The following LGI2 variants were observed in gnomAD, a reference collection of about 807,000 sequenced individuals.
LGI2 encodes leucine rich repeat LGI family member 2, also known as leucine-rich repeat LGI family member 2.
A neutral mutation model predicts 52.0 loss-of-function variants in LGI2; 30 were observed. That is an observed-to-expected ratio of 0.58 (90% CI 0.43 to 0.78). The LOEUF is 0.78. Ranked by LOEUF, LGI2 falls within the 30% of genes least tolerant of loss-of-function variation. LGI2 has a pLI of 0.00. For missense variants in LGI2, 573 were observed against 692.5 expected, an observed-to-expected ratio of 0.83 and a Z score of 1.94; for synonymous variants, 270 against 271.8, an observed-to-expected ratio of 0.99 and a Z score of 0.06.
chr4:25,009,127 C>T (rs1725490076), intron 7 of LGI2, among the ~76,000 whole-genome samples: 1 of 152,206 alleles, frequency 6.6e-6, no homozygotes. Context: ...CTGCACAAAA[C>T]CCTCCATGGC....
chr4:25,007,578 A>AGTGTGTGTGTGTGT (rs3066687), intron 7 of LGI2, among the ~76,000 whole-genome samples: 9 of 142,260 alleles, frequency 6.3e-5, no homozygotes, highest in Admixed American at 2.8e-4. Flanking sequence ...CAGACAGATC[A>AGTGTGTGTGTGTGT]GTGTGTGTGT....
chr4:25,018,014 G>A lies in LGI2; in HGVS notation c.630C>T (p.Ser210=), dbSNP rs983919888. ...YQEKKLNDVT[S]FDYECTTTDF... is the part of the protein sequence containing the mutation. ...CTGTAGTTGTGCATTCATAGTCAAA[G>A]CTGGTCACGTCATTTAGCTTCTTTT... The change falls in exon 6 of 8, where the codon AGC becomes AGT. Residue 210 remains serine, a synonymous_variant. Transcript: ENST00000382114. 2 of 1,612,280 alleles carry A rather than the reference G, an allele frequency of 1.2e-6. No individual in the cohort carries two copies. Among genetic ancestry groups the A allele is most frequent in the Non-Finnish European group, 1.7e-6 (2 of 1,179,574 alleles).
At chr4:25,017,511 C>T (rs1243895596) in intron 6 of LGI2, among the ~76,000 whole-genome samples, 1 of 140,608 alleles carries the variant, frequency 7.1e-6, no homozygotes, top group African/African-American at 2.8e-5. Context: ...CACTACACTC[C>T]AGCCTGGGCG....
At chr4:25,008,257 AT>A (rs1477977328) in intron 7 of LGI2, among the ~76,000 whole-genome samples, 1 of 152,104 alleles carries the variant, frequency 6.6e-6, no homozygotes, top group Admixed American at 6.6e-5. Flanking sequence ...CCCCCATTAA[AT>A]CCTTATAGTA....
intron 4 of LGI2, among the ~76,000 whole-genome samples, chr4:25,019,955 C>T (rs1725902151): frequency 6.6e-6 from 1 of 152,188 alleles, no homozygotes; most frequent in African/African-American, 2.4e-5. Flanking sequence ...GCCTGGCACA[C>T]AGCAGGTACT....
At chr4:25,008,164 G>A (rs770614713) in intron 7 of LGI2, among the ~76,000 whole-genome samples, 3 of 152,088 alleles carry the variant, frequency 2.0e-5, no homozygotes, top group African/African-American at 7.2e-5. Context: ...CATTCCCTAC[G>A]TTCATGCAAG....
At position 25,003,945 on chromosome 4, in the gene LGI2, C is replaced by T. The variant is rs757305551; in HGVS notation, c.1144G>A (p.Asp382Asn). 5.6e-6 allele frequency: 9 copies of T among 1,613,980 alleles called. No individual in the cohort carries two copies. The highest frequency in any genetic ancestry group is 1.7e-5 in the Admixed American group (1 of 59,992). Residue 382 changes from aspartate to asparagine, a missense_variant, in exon 8 of 8, where the codon GAT becomes AAT. Transcript: ENST00000382114. ...RDTDAEFVDI[D>N]GKSHLILSSR... The stretch of plus-strand genomic sequence containing the variant: ...GACAGGATGAGATGCGATTTTCCAT[C>T]GATATCAACAAACTCCGCATCCGTG...
Position 25,024,708 on chromosome 4 carries a change from T to A in LGI2, c.413+112A>T, listed in dbSNP as rs1403961807. ...GACAACATAGAAACCTCTTGAGTAA[T>A]CTAGAAATTCATTTCCTTCAGGGAC... is the stretch of plus-strand genomic sequence containing the variant. On this transcript the variant is annotated intron_variant, in intron 4 of 7. Coordinates refer to ENST00000382114, the MANE Select transcript of LGI2 (RefSeq NM_018176.4). 4.2e-5 allele frequency: 28 copies of A among 671,772 alleles called. No individual in the cohort carries two copies. In the East Asian group the frequency reaches 7.6e-4, roughly 18 times the overall value. 41.6% of individuals were successfully genotyped at this position (671,772 alleles called of 1,614,324 possible).
At chr4:25,017,541 CAAAAAAAAAAAA>C (rs66740392) in intron 6 of LGI2, among the ~76,000 whole-genome samples, 1 of 53,242 alleles carries the variant, frequency 1.9e-5, no homozygotes, top group African/African-American at 8.1e-5. Flanking sequence ...GACTCTGCCT[CAAAAAAAAAAAA>C]AAAAAAAAAA....
chr4:25,010,442 T>C (rs1352591096), intron 7 of LGI2, among the ~76,000 whole-genome samples: 2 of 152,090 alleles, frequency 1.3e-5, no homozygotes, highest in African/African-American at 2.4e-5. Context: ...ATTTGTAAGG[T>C]TGTGAAAAGG....
Position 25,003,605 on chromosome 4 carries a change from T to C in LGI2, c.1484A>G (p.Glu495Gly). Reference sequence around the variant, plus strand: ...CTTAAACTTTTTGAATAGCTGCTTCTCTTTATCCCACTGGTATATCTGAGA... The same window carrying C: ...CTTAAACTTTTTGAATAGCTGCTTCCCTTTATCCCACTGGTATATCTGAGA... ...TFSQIYQWDK[E>G]KQLFKKFKEI... The change falls in exon 8 of 8, where the codon GAG becomes GGG. Residue 495 changes from glutamate to glycine, a missense_variant. Coordinates refer to ENST00000382114, the MANE Select transcript of LGI2 (RefSeq NM_018176.4). The C allele has an allele frequency of 6.2e-7, 1 of 1,614,224 alleles. No individual in the cohort carries two copies. Among genetic ancestry groups the C allele is most frequent in the Non-Finnish European group, 8.5e-7 (1 of 1,180,038 alleles).
At chr4:25,006,017 G>A (rs780528655) in intron 7 of LGI2, among the ~76,000 whole-genome samples, 36 of 152,314 alleles carry the variant, frequency 2.4e-4, no homozygotes, top group Non-Finnish European at 3.2e-4. Context: ...GGCACCTAGC[G>A]GGTGATTGCT....
intron 3 of LGI2, among the ~76,000 whole-genome samples, chr4:25,026,453 C>A (rs1457376262): frequency 2.0e-5 from 3 of 152,020 alleles, no homozygotes; most frequent in Non-Finnish European, 4.4e-5. Context: ...AGTGAGTGAA[C>A]AACATGAAGT....
Position 25,000,477 on chromosome 4 carries a change from A to T in LGI2, c.*2974T>A, listed in dbSNP as rs768190539. Reference sequence around the variant, plus strand: ...ATTGGAAAAATATAAAGCTTTGCTAAATGTAAGGTGGCCTTATCATCCACT... The same window carrying T: ...ATTGGAAAAATATAAAGCTTTGCTATATGTAAGGTGGCCTTATCATCCACT... On this transcript the variant is annotated 3_prime_UTR_variant, in exon 8 of 8. Coordinates refer to ENST00000382114, the MANE Select transcript of LGI2 (RefSeq NM_018176.4). 1 of 152,300 alleles carries T rather than the reference A, an allele frequency of 6.6e-6. No homozygotes were observed. Among genetic ancestry groups the T allele is most frequent in the Non-Finnish European group, 1.5e-5 (1 of 68,084 alleles). The allele number at this position is 152,300 out of a possible 1,614,324, so 9.4% of individuals were successfully genotyped here. A position where few individuals can be genotyped will look rare whatever the true frequency, so the allele number is the denominator to read the frequency against.
At position 25,018,005 on chromosome 4, in the gene LGI2, A is replaced by G. The variant is rs1261641560; in HGVS notation, c.639T>C (p.Tyr213=). ...TCTGAATACCTGTAGTTGTGCATTC[A>G]TAGTCAAAGCTGGTCACGTCATTTA... is the stretch of plus-strand genomic sequence containing the variant. The part of the protein sequence containing the change: ...KKLNDVTSFD[Y]ECTTTDFVVH... Residue 213 remains tyrosine, a synonymous_variant, in exon 6 of 8, where the codon TAT becomes TAC. Coordinates refer to ENST00000382114, the MANE Select transcript of LGI2 (RefSeq NM_018176.4). The G allele has an allele frequency of 6.8e-6, 11 of 1,610,822 alleles. No homozygotes were observed. The highest frequency in any genetic ancestry group is 9.3e-6 in the Non-Finnish European group (11 of 1,179,156).
chr4:25,003,727 C>G lies in LGI2; in HGVS notation c.1362G>C (p.Val454=), dbSNP rs1159610573. The G allele has an allele frequency of 6.2e-7, 1 of 1,614,070 alleles. No homozygotes were observed. Among genetic ancestry groups the G allele is most frequent in the Non-Finnish European group, 8.5e-7 (1 of 1,180,052 alleles). ...RVMRWNSKQF[V]EIQALPSRGA... Reference sequence around the variant, plus strand: ...CCCGGGATGGAAGAGCTTGGATCTCCACAAACTGCTTACTGTTCCACCTCA... The same window carrying G: ...CCCGGGATGGAAGAGCTTGGATCTCGACAAACTGCTTACTGTTCCACCTCA... The change falls in exon 8 of 8, where the codon GTG becomes GTC. Residue 454 remains valine, a synonymous_variant. Transcript: ENST00000382114.
intron 3 of LGI2, among the ~76,000 whole-genome samples, chr4:25,026,282 G>A (rs7658519): frequency 0.01 from 1,536 of 151,646 alleles, 23 homozygotes; most frequent in African/African-American, 0.035. Flanking sequence ...AGACATGAAA[G>A]GAAGAAAAGG....
intron 5 of LGI2, 28 bp from the exon 6 acceptor site, chr4:25,018,186 A>T: frequency 6.6e-7 from 1 of 1,515,346 alleles, no homozygotes; most frequent in Non-Finnish European, 9.0e-7. Flanking sequence ...ACACAAACAC[A>T]TACAAAGAGA....
intron 7 of LGI2, among the ~76,000 whole-genome samples, chr4:25,006,789 G>C (rs1482638043): frequency 6.6e-6 from 1 of 152,186 alleles, no homozygotes; most frequent in Non-Finnish European, 1.5e-5. Flanking sequence ...CCGAGGCACA[G>C]AGAAGTTAAG....
Sources: allele counts gnomAD v4.1 joint callset (sites outside exome capture counted in the v4.1 genomes callset), GRCh38; gene constraint gnomAD v4.1.1; transcripts MANE v1.5; gene names NCBI Gene and HGNC (gene_info 2026-07-23, HGNC 2026-07-21).